The following RNF170 variants were observed in gnomAD, a reference collection of about 807,000 sequenced individuals.
The protein encoded by RNF170 is ring finger protein 170.
In RNF170, 12 loss-of-function variants were observed where a neutral mutation model predicts 32.7. The ratio of observed to expected loss-of-function variants is 0.37; its 90% CI spans 0.24 to 0.60. The LOEUF (loss-of-function observed/expected upper bound fraction) is 0.60. Among genes scored for constraint, RNF170 ranks in the 20% least tolerant of loss-of-function variants. The pLI is 0.72. For missense variants in RNF170, 212 were observed against 311.2 expected (o/e 0.68, Z 2.40); for synonymous variants, 91 against 103.6 (o/e 0.88, Z 0.74).
downstream of RNF170, chr8:42,850,686 A>T: frequency 1.5e-6 from 2 of 1,318,026 alleles, no homozygotes; most frequent in Non-Finnish European, 2.1e-6. Context: ...GAGATGTCTG[A>T]ATGCCTCAGA....
At chr8:42,861,562 C>G (rs1803661637) in intron 6 of RNF170, 183 bp downstream of exon 6, 1 of 592,826 alleles carries the variant, frequency 1.7e-6, no homozygotes, top group Non-Finnish European at 3.0e-6. Flanking sequence ...AGGCTGGTCT[C>G]AAACTCCTGG....
intron 3 of RNF170, among the ~76,000 whole-genome samples, chr8:42,870,840 T>C (rs1804467930): frequency 6.6e-6 from 1 of 152,204 alleles, no homozygotes; most frequent in Non-Finnish European, 1.5e-5. Context: ...CATCTAGATA[T>C]CAAAGACCTC....
intron 1 of RNF170, among the ~76,000 whole-genome samples, chr8:42,892,169 T>C (rs561257156): frequency 6.6e-6 from 1 of 152,278 alleles, no homozygotes; most frequent in African/African-American, 2.4e-5. Context: ...ATTGCTCAAA[T>C]TAATGTTTAT....
intron 3 of RNF170, among the ~76,000 whole-genome samples, chr8:42,871,860 T>C (rs1371879543): frequency 6.6e-6 from 1 of 152,100 alleles, no homozygotes; most frequent in African/African-American, 2.4e-5. Context: ...CACCCAGCCT[T>C]CTCCTTATTA....
In RNF170 at chr8:42,854,757, G is replaced by C; in HGVS notation, c.*1402C>G. Reference sequence around the variant, plus strand: ...ATGACAATGCTAACACTGACTCCTGGGCATCCCCTCACATCCTGCTGTCAT... The same window carrying C: ...ATGACAATGCTAACACTGACTCCTGCGCATCCCCTCACATCCTGCTGTCAT... On this transcript the variant is annotated 3_prime_UTR_variant, in exon 7 of 7. Transcript: ENST00000527424. The C allele has an allele frequency of 6.2e-6, 8 of 1,287,288 alleles. No individual in the cohort carries two copies. The highest frequency in any genetic ancestry group is 8.1e-6 in the Non-Finnish European group (8 of 988,670). The allele number at this position is 1,287,288 out of a possible 1,614,324, so 79.7% of individuals were successfully genotyped here.
downstream of RNF170, chr8:42,853,286 AT>A (rs745760065): frequency 2.4e-5 from 27 of 1,137,044 alleles, no homozygotes; most frequent in Non-Finnish European, 3.0e-5. Context: ...AAACAGAAAA[AT>A]AACACCTTTA....
chr8:42,869,141 C>A (rs1933006571), intron 4 of RNF170, among the ~76,000 whole-genome samples: 1 of 152,128 alleles, frequency 6.6e-6, no homozygotes, highest in Admixed American at 6.5e-5. Flanking sequence ...AACTCCTGGG[C>A]TCAAGCAATC....
At position 42,853,765 on chromosome 8, in the gene RNF170, C is replaced by T. The variant is rs746099172; in HGVS notation, c.*2394G>A. 5.4e-6 allele frequency: 7 copies of T among 1,287,038 alleles called. No individual in the cohort carries two copies. The East Asian group carries it at 3.3e-4, about 61-fold the overall frequency. The allele number at this position is 1,287,038 out of a possible 1,614,324, so 79.7% of individuals were successfully genotyped here. ...TATCATCAGAGATCGGTAAAGATGA[C>T]AACAAGCAGGTCTAAAGTTCTGAGA... On this transcript the variant is annotated 3_prime_UTR_variant, in exon 7 of 7. Coordinates refer to ENST00000527424, the MANE Select transcript of RNF170 (RefSeq NM_030954.4).
chr8:42,873,919 CA>C lies in RNF170; in HGVS notation c.213+11del, dbSNP rs1465064415. On this transcript the variant is annotated intron_variant, in intron 3 of 6. Coordinates refer to ENST00000527424, the MANE Select transcript of RNF170 (RefSeq NM_030954.4). ...ATCACATCTACTCCTCAAATAAATA[CA>C]TATACAATACCTGTTCTGTTTGAAG... 6.9e-7 allele frequency: 1 copy of C among 1,444,666 alleles called. No homozygotes were observed. Among genetic ancestry groups the C allele is most frequent in the Middle Eastern group, 1.8e-4 (1 of 5,634 alleles). 89.5% of individuals were successfully genotyped at this position (1,444,666 alleles called of 1,614,324 possible). A position where few individuals can be genotyped will look rare whatever the true frequency, so the allele number is the denominator to read the frequency against.
intron 2 of RNF170, among the ~76,000 whole-genome samples, chr8:42,874,988 A>G (rs1408507785): frequency 6.6e-6 from 1 of 151,958 alleles, no homozygotes. Flanking sequence ...CCTGACCAAC[A>G]TGGAGAAACC....
chr8:42,851,319 T>G (rs117758410), downstream of RNF170, among the ~76,000 whole-genome samples: 2,322 of 152,110 alleles, frequency 0.015, 32 homozygotes, highest in Non-Finnish European at 0.022. Flanking sequence ...CTCAGCAATT[T>G]GGGAGGCCGG....
chr8:42,852,220 A>T (rs1802958986), downstream of RNF170, among the ~76,000 whole-genome samples: 1 of 152,138 alleles, frequency 6.6e-6, no homozygotes, highest in African/African-American at 2.4e-5. Flanking sequence ...ATCTAGAATG[A>T]AACTGGTCAA....
In RNF170 at chr8:42,855,984, A is replaced by C. The variant is rs573358299; in HGVS notation, c.*175T>G. 11 of 1,465,350 alleles carry C rather than the reference A, an allele frequency of 7.5e-6. No homozygotes were observed. The highest frequency in any genetic ancestry group is 1.0e-5 in the Non-Finnish European group (11 of 1,098,198). The allele number at this position is 1,465,350 out of a possible 1,614,324, so 90.8% of individuals were successfully genotyped here. A position where few individuals can be genotyped will look rare whatever the true frequency, so the allele number is the denominator to read the frequency against. ...TTAATATTAGAACTTCAAACATGAA[A>C]ATTCCAGTTATACCTAGGTATTTGT... is the stretch of plus-strand genomic sequence containing the variant. On this transcript the variant is annotated 3_prime_UTR_variant, in exon 7 of 7. Coordinates refer to ENST00000527424, the MANE Select transcript of RNF170 (RefSeq NM_030954.4).
intron 2 of RNF170, among the ~76,000 whole-genome samples, chr8:42,886,141 G>C (rs934724073): frequency 2.6e-5 from 4 of 151,770 alleles, no homozygotes; most frequent in Non-Finnish European, 5.9e-5. Flanking sequence ...GGAGAATGGC[G>C]TGAACCCGGG....
chr8:42,891,944 T>G (rs1806336430), intron 1 of RNF170, among the ~76,000 whole-genome samples: 1 of 152,170 alleles, frequency 6.6e-6, no homozygotes, highest in African/African-American at 2.4e-5. Context: ...TGAATTACTT[T>G]AACAAGAAAA....
downstream of RNF170, among the ~76,000 whole-genome samples, chr8:42,851,991 T>C (rs914349349): frequency 6.6e-6 from 1 of 152,192 alleles, no homozygotes; most frequent in Non-Finnish European, 1.5e-5. Context: ...AAACGGCCTT[T>C]AATAAAAAGA....
downstream of RNF170, among the ~76,000 whole-genome samples, chr8:42,852,502 C>T (rs1802966111): frequency 6.6e-6 from 1 of 152,118 alleles, no homozygotes; most frequent in Admixed American, 6.6e-5. Flanking sequence ...ACTGCAACCT[C>T]TGCCTTCCAG....
In RNF170 at chr8:42,855,077, T is replaced by A. The variant is rs1803144509; in HGVS notation, c.*1082A>T. On this transcript the variant is annotated 3_prime_UTR_variant, in exon 7 of 7. Coordinates refer to ENST00000527424, the MANE Select transcript of RNF170 (RefSeq NM_030954.4). ...AAGATTCACCTTCCTCAGAAATGCA[T>A]CAGGCTACTCTGTGTTTGCAGCATC... 4.7e-6 allele frequency: 6 copies of A among 1,287,246 alleles called. No homozygotes were observed. The highest frequency in any genetic ancestry group is 6.1e-6 in the Non-Finnish European group (6 of 988,704). The allele number at this position is 1,287,246 out of a possible 1,614,324, so 79.7% of individuals were successfully genotyped here.
In RNF170 at chr8:42,853,850, T is replaced by G. The variant is rs1323967866; in HGVS notation, c.*2309A>C. On this transcript the variant is annotated 3_prime_UTR_variant, in exon 7 of 7. Coordinates refer to ENST00000527424, the MANE Select transcript of RNF170 (RefSeq NM_030954.4). ...TTTAAGATCATTTAGTATTTTTTTA[T>G]GTTACAAAATTTGGTACAATACACC... The G allele has an allele frequency of 7.8e-7, 1 of 1,286,852 alleles. No individual in the cohort carries two copies. The highest frequency in any genetic ancestry group is 1.5e-5 in the African/African-American group (1 of 65,900). The allele number at this position is 1,286,852 out of a possible 1,614,324, so 79.7% of individuals were successfully genotyped here.
Sources: gnomAD v4.1 joint callset for allele counts (sites outside exome capture counted in the v4.1 genomes callset) on GRCh38, gnomAD v4.1.1 for gene constraint, MANE v1.5 for transcripts, NCBI Gene and HGNC (gene_info 2026-07-23, HGNC 2026-07-21) for gene names.